ROR2: variants seen among roughly 807,000 people sequenced by gnomAD.
The protein encoded by ROR2 is tyrosine-protein kinase transmembrane receptor ROR2.
A neutral mutation model predicts 74.9 loss-of-function variants in ROR2; 33 were observed. The observed-to-expected ratio is 0.44, with a 90% CI of 0.33 to 0.59. The LOEUF (loss-of-function observed/expected upper bound fraction) is 0.59, where lower values mean the gene tolerates loss of function less well. Among genes scored for constraint, ROR2 ranks in the 20% least tolerant of loss-of-function variants. The pLI is 0.02. For missense variants in ROR2, 1,216 were observed against 1,313.8 expected (o/e 0.93, Z 1.15); for synonymous variants, 586 against 558.7 (o/e 1.05, Z -0.69).
intron 1 of ROR2, among the ~76,000 whole-genome samples, chr9:91,814,394 C>G (rs901825874): frequency 4.6e-5 from 7 of 152,156 alleles, no homozygotes; most frequent in Non-Finnish European, 7.3e-5. Flanking sequence ...CCTTACCCCA[C>G]GCACACTCCA....
chr9:91,925,505 G>T (rs1831374628), intron 1 of ROR2, among the ~76,000 whole-genome samples: 1 of 142,522 alleles, frequency 7.0e-6, no homozygotes, highest in African/African-American at 2.6e-5. Context: ...TGTGCAGCAT[G>T]CATATGCACT....
At position 91,732,341 on chromosome 9, in the gene ROR2, G is replaced by A. The variant is rs561573182; in HGVS notation, c.937+781C>T. 2.5e-3 allele frequency among the ~76,000 whole-genome samples: 386 copies of A among 152,230 alleles called. 2 individuals carry two copies. Among genetic ancestry groups the A allele is most frequent in the Non-Finnish European group, 4.7e-3 (317 of 67,990 alleles). On this transcript the variant is annotated intron_variant, in intron 6 of 8. Transcript: ENST00000375708. ...CCACCCTGCTGGGGCTCACAACTTG[G>A]GGTTTACTAAGCCTCCAGAGGGCAG...
At chr9:91,767,961 AGG>A (rs1826111735) in intron 2 of ROR2, among the ~76,000 whole-genome samples, 1 of 152,236 alleles carries the variant, frequency 6.6e-6, no homozygotes, top group African/African-American at 2.4e-5. Flanking sequence ...CGAAGTTAAG[AGG>A]AGTCCTACTT....
At chr9:91,726,414 G>T in intron 8 of ROR2, 127 bp downstream of exon 8, 1 of 936,604 alleles carries the variant, frequency 1.1e-6, no homozygotes, top group Non-Finnish European at 1.7e-6. Flanking sequence ...ATGGCAAAAT[G>T]AAGCGGAGTT....
chr9:91,940,995 C>CTTTTT (rs11321454), intron 1 of ROR2, among the ~76,000 whole-genome samples: 7 of 110,726 alleles, frequency 6.3e-5, no homozygotes, highest in South Asian at 2.8e-4. Flanking sequence ...ATTTTTAATT[C>CTTTTT]TTTTTTTTTT....
Position 91,724,950 on chromosome 9 carries a change from C to A in ROR2, c.1544G>T (p.Gly515Val). 1 of 1,613,416 alleles carries A rather than the reference C, an allele frequency of 6.2e-7. No homozygotes were observed. Among genetic ancestry groups the A allele is most frequent in the Admixed American group, 1.7e-5 (1 of 60,022 alleles). ...AIKTLKDKAE[G>V]PLREEFRHEA... ...ATGCCGGAACTCCTCCCGCAGGGGCCCCTCCGCTTTGTCCTTCAGCGTTTT... is the reference window on the plus strand; with the variant it reads ...ATGCCGGAACTCCTCCCGCAGGGGCACCTCCGCTTTGTCCTTCAGCGTTTT... Residue 515 changes from glycine to valine, a missense_variant, in exon 9 of 9, where the codon GGG becomes GTG. Coordinates refer to ENST00000375708, the MANE Select transcript of ROR2 (RefSeq NM_004560.4).
At chr9:91,944,957 A>G (rs532860805) in intron 1 of ROR2, among the ~76,000 whole-genome samples, 2 of 152,272 alleles carry the variant, frequency 1.3e-5, no homozygotes, top group South Asian at 2.1e-4. Context: ...TTCAGAGGCT[A>G]AGATGGGAGG....
At chr9:91,753,150 G>T (rs1479533626) in intron 4 of ROR2, among the ~76,000 whole-genome samples, 1 of 152,120 alleles carries the variant, frequency 6.6e-6, no homozygotes, top group South Asian at 2.1e-4. Context: ...AGGAAATCAT[G>T]ACATTCTTTA....
chr9:91,929,014 A>G (rs1397081665), intron 1 of ROR2, among the ~76,000 whole-genome samples: 1 of 152,230 alleles, frequency 6.6e-6, no homozygotes, highest in African/African-American at 2.4e-5. Flanking sequence ...TTCTCTGCAG[A>G]AGGCTGGGTT....
intron 1 of ROR2, among the ~76,000 whole-genome samples, chr9:91,898,410 T>C (rs1830592418): frequency 6.6e-6 from 1 of 152,140 alleles, no homozygotes; most frequent in Non-Finnish European, 1.5e-5. Flanking sequence ...GTTTCAGAGA[T>C]GGACATTTGA....
At chr9:91,786,389 A>C (rs1217159233) in intron 1 of ROR2, among the ~76,000 whole-genome samples, 1 of 151,972 alleles carries the variant, frequency 6.6e-6, no homozygotes, top group Non-Finnish European at 1.5e-5. Flanking sequence ...TAAATGGGCA[A>C]TATACTAGAG....
At chr9:91,776,412 T>C (rs1281620254) in intron 1 of ROR2, among the ~76,000 whole-genome samples, 1 of 152,190 alleles carries the variant, frequency 6.6e-6, no homozygotes, top group Non-Finnish European at 1.5e-5. Flanking sequence ...CCCTGAGCCA[T>C]CTTTCATAAA....
At chr9:91,864,066 C>T (rs1354491361) in intron 1 of ROR2, among the ~76,000 whole-genome samples, 2 of 152,122 alleles carry the variant, frequency 1.3e-5, no homozygotes, top group Admixed American at 6.5e-5. Flanking sequence ...AAGATGCAGG[C>T]GGGCTTAGTT....
At chr9:91,762,364 C>T (rs188911410) in intron 2 of ROR2, among the ~76,000 whole-genome samples, 2 of 152,148 alleles carry the variant, frequency 1.3e-5, no homozygotes, top group Admixed American at 1.3e-4. Context: ...TTGGATTTTC[C>T]ACATAGATAC....
intron 1 of ROR2, among the ~76,000 whole-genome samples, chr9:91,895,748 C>T (rs932569355): frequency 1.3e-5 from 2 of 152,088 alleles, no homozygotes; most frequent in East Asian, 1.9e-4. Context: ...GAGGCTGACA[C>T]GGGAGAATTC....
intron 1 of ROR2, chr9:91,887,040 C>T (rs1405495757): frequency 6.6e-6 from 1 of 152,188 alleles, no homozygotes; most frequent in Admixed American, 6.5e-5. Flanking sequence ...AGAGCAGATG[C>T]ACAAAGGCAA....
chr9:91,926,479 G>C (rs556748631), intron 1 of ROR2, among the ~76,000 whole-genome samples: 1 of 147,600 alleles, frequency 6.8e-6, no homozygotes, highest in African/African-American at 2.5e-5. Context: ...CCGGGAGGTG[G>C]AGGTAGCAGT....
intron 1 of ROR2, among the ~76,000 whole-genome samples, chr9:91,779,368 CTT>C (rs57414414): frequency 0.061 from 8,198 of 133,546 alleles, 417 homozygotes; most frequent in Admixed American, 0.16. Flanking sequence ...TTATACTTTT[CTT>C]TTTTTTTTTT....
Position 91,724,400 on chromosome 9 carries a change from G to A in ROR2, c.2094C>T (p.Asn698=), listed in dbSNP as rs1165268695. 16 of 1,614,146 alleles carry A rather than the reference G, an allele frequency of 9.9e-6. No homozygotes were observed. The East Asian group carries it at 3.1e-4, about 31-fold the overall frequency. Reference sequence around the variant, plus strand: ...TCCGGATCATCTCCACCACATCCTGGTTGGAGTACCCGCAGTAGGGCTGCA... The same window carrying A: ...TCCGGATCATCTCCACCACATCCTGATTGGAGTACCCGCAGTAGGGCTGCA... ...YGLQPYCGYS[N]QDVVEMIRNR... Residue 698 remains asparagine (N), a synonymous_variant, in exon 9 of 9, where the codon AAC becomes AAT. Coordinates refer to ENST00000375708, the MANE Select transcript of ROR2 (RefSeq NM_004560.4).
Sources: gnomAD v4.1 joint callset for allele counts (sites outside exome capture counted in the v4.1 genomes callset) on GRCh38, gnomAD v4.1.1 for gene constraint, MANE v1.5 for transcripts, NCBI Gene and HGNC (gene_info 2026-07-23, HGNC 2026-07-21) for gene names.